Variants in LRRTM3 observed in about 807,000 individuals in gnomAD.
LRRTM3 encodes leucine-rich repeat transmembrane neuronal protein 3.
In LRRTM3, 24 loss-of-function variants were observed where a neutral mutation model predicts 44.7. The observed-to-expected ratio is 0.54, with a 90% CI of 0.39 to 0.76. The LOEUF (loss-of-function observed/expected upper bound fraction) is 0.76, where lower values mean the gene tolerates loss of function less well. Ranked by LOEUF, LRRTM3 falls within the 30% of genes least tolerant of loss-of-function variation. The pLI, the probability that LRRTM3 is intolerant of heterozygous loss-of-function variation, is 0.00. For synonymous variants in LRRTM3, 277 were observed against 278.7 expected, an observed-to-expected ratio of 0.99 and a Z score of 0.06; for missense variants, 587 against 702.2, an observed-to-expected ratio of 0.84 and a Z score of 1.85.
rs1306866082 is a variant in LRRTM3, at chr10:66,928,287, C to T, written c.1371C>T (p.Leu457=). The T allele has an allele frequency of 1.9e-6, 3 of 1,614,158 alleles. No individual in the cohort carries two copies. Among genetic ancestry groups the T allele is most frequent in the Non-Finnish European group, 2.5e-6 (3 of 1,180,034 alleles). ...TGAAGCAGCTGCAGCAGCGCTCCCT[C>T]ATGCGAAGGCACAGGAAAAAGAAAA... ...ASMKQLQQRS[L]MRRHRKKKRQ... Residue 457 remains leucine, a synonymous_variant, in exon 2 of 3, where the codon CTC becomes CTT. Transcript: ENST00000361320.
intron 2 of LRRTM3, among the ~76,000 whole-genome samples, chr10:67,090,533 G>A (rs1462526288): frequency 1.3e-5 from 2 of 152,038 alleles, no homozygotes; most frequent in Non-Finnish European, 2.9e-5. Flanking sequence ...TGGTTAAGAA[G>A]GCAGGCAACC....
chr10:66,947,264 G>T (rs1270094380), intron 2 of LRRTM3, among the ~76,000 whole-genome samples: 1 of 152,114 alleles, frequency 6.6e-6, no homozygotes, highest in Admixed American at 6.6e-5. Context: ...ACTCTCTAAT[G>T]GGGTATCTTG....
chr10:66,948,006 T>C (rs919360144), intron 2 of LRRTM3, among the ~76,000 whole-genome samples: 1 of 152,254 alleles, frequency 6.6e-6, no homozygotes, highest in Admixed American at 6.5e-5. Flanking sequence ...CAAGTTACTG[T>C]ATAGAATGCT....
At chr10:66,944,861 T>C (rs1848200364) in intron 2 of LRRTM3, among the ~76,000 whole-genome samples, 1 of 152,192 alleles carries the variant, frequency 6.6e-6, no homozygotes, top group Admixed American at 6.5e-5. Context: ...AGATGCATTA[T>C]CAGTGAGCAG....
At chr10:66,966,212 A>G (rs778681119) in intron 2 of LRRTM3, among the ~76,000 whole-genome samples, 5 of 152,168 alleles carry the variant, frequency 3.3e-5, no homozygotes, top group Non-Finnish European at 7.4e-5. Context: ...AATAAACGAA[A>G]ACAATTTTCC....
At chr10:67,046,473 T>C (rs1827341783) in intron 2 of LRRTM3, among the ~76,000 whole-genome samples, 1 of 152,170 alleles carries the variant, frequency 6.6e-6, no homozygotes, top group South Asian at 2.1e-4. Context: ...CTAATAGACA[T>C]TGCCACGATA....
rs774671149 is a variant in LRRTM3, at chr10:67,005,687, T to TTTTTTTTGTTTTTG, written c.1536+77242_1536+77243insGTTTTTGTTTTTTT. Among the ~76,000 whole-genome samples the TTTTTTTTGTTTTTG allele has an allele frequency of 2.1e-3, 214 of 102,322 alleles. 9 individuals carry two copies. Among genetic ancestry groups the TTTTTTTTGTTTTTG allele is most frequent in the African/African-American group, 6.1e-3 (198 of 32,448 alleles). The allele number at this position is 102,322 out of a possible 152,430, so 67.1% of individuals were successfully genotyped here. ...TTTTGTTTATTTTACTCCATCTTTT[T>TTTTTTTTGTTTTTG]TTTTTTTTTTTTTTTTGAGACGGAG... On this transcript the variant is annotated intron_variant, in intron 2 of 2. Transcript: ENST00000361320.
chr10:66,933,621 C>A (rs1847530348), intron 2 of LRRTM3, among the ~76,000 whole-genome samples: 1 of 152,150 alleles, frequency 6.6e-6, no homozygotes, highest in African/African-American at 2.4e-5. Flanking sequence ...TGATGTTTCT[C>A]CCCTGGCCAC....
intron 2 of LRRTM3, among the ~76,000 whole-genome samples, chr10:67,042,178 C>T (rs768402982): frequency 9.2e-5 from 14 of 152,006 alleles, no homozygotes; most frequent in Non-Finnish European, 1.9e-4. Flanking sequence ...TTAAAAAGAA[C>T]AAACCTGGAT....
intron 2 of LRRTM3, among the ~76,000 whole-genome samples, chr10:66,938,007 A>G (rs866612222): frequency 1.9e-4 from 29 of 152,148 alleles, no homozygotes; most frequent in African/African-American, 6.7e-4. Context: ...TCTTCTTCCA[A>G]TGGTGGCTGA....
intron 2 of LRRTM3, among the ~76,000 whole-genome samples, chr10:66,955,054 A>T (rs949107733): frequency 1.3e-5 from 2 of 152,188 alleles, no homozygotes; most frequent in African/African-American, 2.4e-5. Flanking sequence ...GTCTTTCCAA[A>T]TTTCTTATCA....
intron 2 of LRRTM3, among the ~76,000 whole-genome samples, chr10:67,018,091 T>A (rs567376342): frequency 6.6e-6 from 1 of 152,178 alleles, no homozygotes; most frequent in Non-Finnish European, 1.5e-5. Flanking sequence ...ATATTAAACA[T>A]ATATTTTAAC....
chr10:67,047,644 A>G (rs1379089963), intron 2 of LRRTM3, among the ~76,000 whole-genome samples: 2 of 152,114 alleles, frequency 1.3e-5, no homozygotes, highest in Non-Finnish European at 2.9e-5. Flanking sequence ...AGTTGCTACT[A>G]TATATTTATG....
intron 2 of LRRTM3, among the ~76,000 whole-genome samples, chr10:66,941,983 G>A (rs1310872286): frequency 6.6e-6 from 1 of 152,126 alleles, no homozygotes. Context: ...CGTAGACTTC[G>A]AATCCACTAG....
chr10:66,954,467 G>C (rs1262825721), intron 2 of LRRTM3, among the ~76,000 whole-genome samples: 1 of 152,102 alleles, frequency 6.6e-6, no homozygotes, highest in Non-Finnish European at 1.5e-5. Flanking sequence ...ATGTACAGGA[G>C]AGCATGTTGT....
chr10:66,982,324 C>T (rs1850488097), intron 2 of LRRTM3, among the ~76,000 whole-genome samples: 1 of 152,146 alleles, frequency 6.6e-6, no homozygotes, highest in Non-Finnish European at 1.5e-5. Flanking sequence ...TGGAGTCAAA[C>T]AGAATTAGTT....
intron 2 of LRRTM3, among the ~76,000 whole-genome samples, chr10:66,950,028 T>C (rs1052882407): frequency 6.6e-6 from 1 of 152,196 alleles, no homozygotes; most frequent in Non-Finnish European, 1.5e-5. Context: ...TGTTTCTCTA[T>C]GCAATTACTC....
chr10:67,030,512 A>C (rs1853648822), intron 2 of LRRTM3, among the ~76,000 whole-genome samples: 1 of 152,048 alleles, frequency 6.6e-6, no homozygotes, highest in Admixed American at 6.6e-5. Context: ...ATAAATACAT[A>C]AATTAATACT....
At chr10:66,984,352 A>G (rs1850610601) in intron 2 of LRRTM3, among the ~76,000 whole-genome samples, 2 of 152,194 alleles carry the variant, frequency 1.3e-5, no homozygotes, top group Non-Finnish European at 2.9e-5. Context: ...ACAACAAATT[A>G]GAGTGATGGG....
Sources: allele counts gnomAD v4.1 joint callset (sites outside exome capture counted in the v4.1 genomes callset), GRCh38; gene constraint gnomAD v4.1.1; transcripts MANE v1.5; gene names NCBI Gene and HGNC (gene_info 2026-07-23, HGNC 2026-07-21).